DCDC1: variants seen among roughly 807,000 people sequenced by gnomAD.
DCDC1 encodes doublecortin domain-containing protein 1.
A neutral mutation model predicts 178.3 loss-of-function variants in DCDC1; 200 were observed. The ratio of observed to expected loss-of-function variants is 1.12; its 90% confidence interval spans 1.00 to 1.26. The LOEUF is 1.26. Among genes scored for constraint, DCDC1 ranks in the 50% most tolerant of loss-of-function variants. The pLI is 0.00. For synonymous variants in DCDC1, 690 were observed against 604.8 expected, an observed-to-expected ratio of 1.14 and a Z score of -2.07; for missense variants, 1,983 against 1,749.2, an observed-to-expected ratio of 1.13 and a Z score of -2.38.
intron 20 of DCDC1, among the ~76,000 whole-genome samples, chr11:30,994,725 T>C (rs1429092678): frequency 6.9e-6 from 1 of 144,490 alleles, no homozygotes; most frequent in Admixed American, 7.1e-5. Context: ...TATGTTATAA[T>C]ATATTATATA....
intron 7 of DCDC1, among the ~76,000 whole-genome samples, chr11:31,276,769 T>A (rs2137232540): frequency 6.6e-6 from 1 of 152,250 alleles, no homozygotes; most frequent in Non-Finnish European, 1.5e-5. Context: ...GTACACCAAA[T>A]CTAGTTATTT....
At chr11:31,291,241 C>A (rs984691979) in intron 6 of DCDC1, among the ~76,000 whole-genome samples, 1 of 151,880 alleles carries the variant, frequency 6.6e-6, no homozygotes, top group African/African-American at 2.4e-5. Flanking sequence ...CTTTTATGTT[C>A]TTTAGGGTTG....
chr11:31,196,037 T>C (rs1036834291), intron 9 of DCDC1, among the ~76,000 whole-genome samples: 1 of 151,912 alleles, frequency 6.6e-6, no homozygotes, highest in Non-Finnish European at 1.5e-5. Context: ...GATTCTTGAG[T>C]CTGCTTTTTA....
chr11:31,294,007 C>T (rs955329829), intron 6 of DCDC1, among the ~76,000 whole-genome samples: 5 of 152,202 alleles, frequency 3.3e-5, no homozygotes, highest in Non-Finnish European at 7.3e-5. Flanking sequence ...ACCTTGAACC[C>T]ATACTGCTTA....
chr11:31,267,153 G>T (rs1313903008), intron 7 of DCDC1, among the ~76,000 whole-genome samples: 2 of 151,964 alleles, frequency 1.3e-5, no homozygotes, highest in East Asian at 3.9e-4. Context: ...TCACAATCAA[G>T]AATGCATACC....
chr11:31,328,349 G>A (rs1408386640), intron 2 of DCDC1, 63 bp from the exon 3 acceptor site: 17 of 1,456,234 alleles, frequency 1.2e-5, no homozygotes, highest in Non-Finnish European at 1.6e-5. Context: ...TACAAATAGA[G>A]GCTGGGCATT....
At chr11:31,031,425 T>A (rs1382871554) in intron 20 of DCDC1, among the ~76,000 whole-genome samples, 1 of 152,154 alleles carries the variant, frequency 6.6e-6, no homozygotes, top group Admixed American at 6.6e-5. Context: ...CACAGTCTAA[T>A]TTTAGATATT....
chr11:31,193,402 C>T (rs564112972), intron 9 of DCDC1, among the ~76,000 whole-genome samples: 1 of 152,044 alleles, frequency 6.6e-6, no homozygotes, highest in South Asian at 2.1e-4. Context: ...ACATGATGCT[C>T]AAGGGAAATG....
At chr11:31,297,429 G>T (rs927763833) in intron 6 of DCDC1, among the ~76,000 whole-genome samples, 1 of 151,660 alleles carries the variant, frequency 6.6e-6, no homozygotes, top group Admixed American at 6.6e-5. Context: ...GCATGATCTC[G>T]ACTCACTGCA....
At chr11:30,952,702 A>T in intron 20 of DCDC1, 134 bp from the exon 21 acceptor site, 1 of 414,348 alleles carries the variant, frequency 2.4e-6, no homozygotes, top group Non-Finnish European at 4.3e-6. Context: ...AAATCTGAAA[A>T]TTTGCTGTGT....
chr11:31,005,076 A>T (rs1489648939), intron 20 of DCDC1, among the ~76,000 whole-genome samples: 2 of 152,208 alleles, frequency 1.3e-5, no homozygotes. Flanking sequence ...TTAAAAATTC[A>T]AAAGGTTGAC....
intron 12 of DCDC1, among the ~76,000 whole-genome samples, chr11:31,107,223 G>C (rs1426596867): frequency 6.6e-6 from 1 of 152,174 alleles, no homozygotes; most frequent in Non-Finnish European, 1.5e-5. Context: ...GGGACTGAAA[G>C]CAGATGTGAC....
chr11:31,072,845 T>G (rs1956650845), intron 18 of DCDC1, among the ~76,000 whole-genome samples: 1 of 152,132 alleles, frequency 6.6e-6, no homozygotes, highest in Non-Finnish European at 1.5e-5. Context: ...ATACTTAAAA[T>G]TCTAGTATTA....
At chr11:30,910,360 G>C (rs535832395) in intron 28 of DCDC1, among the ~76,000 whole-genome samples, 131 of 152,302 alleles carry the variant, frequency 8.6e-4, no homozygotes, top group African/African-American at 3.0e-3. Flanking sequence ...TGAGGCACCT[G>C]ACAGAGAAGA....
rs1202381469 is a variant in DCDC1 at position 31,290,852 on chromosome 11, T to C, written c.755A>G (p.Asp252Gly). 2 of 1,602,370 alleles carry C rather than the reference T, an allele frequency of 1.2e-6. No individual in the cohort carries two copies. Among genetic ancestry groups the C allele is most frequent in the Non-Finnish European group, 1.7e-6 (2 of 1,176,658 alleles). The change falls in exon 7 of 39, where the codon GAC becomes GGC. Residue 252 changes from aspartate to glycine, a missense_variant and splice_region_variant. Transcript: ENST00000684477. ...TACTTTCTTAATTAACAACAGATGG[T>C]CTAGAAGATAATTTTTTAAGTCAAG... ...PFLNPFKKIK[D>G]HLLLIKKVTW...
intron 20 of DCDC1, among the ~76,000 whole-genome samples, chr11:31,010,438 A>G (rs1952104369): frequency 2.6e-5 from 4 of 152,236 alleles, no homozygotes; most frequent in African/African-American, 4.8e-5. Flanking sequence ...GGCAGTTCAC[A>G]TTATAGCAGT....
chr11:31,234,366 G>C (rs930927903), intron 9 of DCDC1, among the ~76,000 whole-genome samples: 1 of 152,148 alleles, frequency 6.6e-6, no homozygotes, highest in African/African-American at 2.4e-5. Flanking sequence ...TCAGAAGTTT[G>C]TTGTAAGATT....
intron 20 of DCDC1, among the ~76,000 whole-genome samples, chr11:30,996,993 T>C (rs762681196): frequency 4.6e-5 from 7 of 152,232 alleles, no homozygotes; most frequent in Non-Finnish European, 8.8e-5. Flanking sequence ...AGTGGAATGC[T>C]ATTTAACAAT....
intron 9 of DCDC1, among the ~76,000 whole-genome samples, chr11:31,201,213 T>G (rs1971248443): frequency 6.6e-6 from 1 of 152,016 alleles, no homozygotes; most frequent in Non-Finnish European, 1.5e-5. Context: ...TTGTATATAC[T>G]TATTATTTTA....
Sources: gnomAD v4.1 joint callset for allele counts (sites outside exome capture counted in the v4.1 genomes callset) on GRCh38, gnomAD v4.1.1 for gene constraint, MANE v1.5 for transcripts, NCBI Gene and HGNC (gene_info 2026-07-23, HGNC 2026-07-21) for gene names.